Variants in ROBO2 observed in about 807,000 individuals in gnomAD.
ROBO2 encodes the protein roundabout guidance receptor 2, also known as roundabout homolog 2.
Under a neutral mutation model 160.8 loss-of-function variants are expected in ROBO2, and 53 were observed. That is an observed-to-expected ratio of 0.33 (90% confidence interval 0.26 to 0.41). ROBO2 has a LOEUF of 0.41. ROBO2 is among the 10% of genes least tolerant of loss of function. The pLI, the probability that ROBO2 is intolerant of heterozygous loss-of-function variation, is 1.00. For synonymous variants in ROBO2, 664 were observed against 611.7 expected (o/e 1.09, Z -1.26); for missense variants, 1,577 against 1,722.4 (o/e 0.92, Z 1.49).
intron 2 of ROBO2, among the ~76,000 whole-genome samples, chr3:77,244,846 C>G (rs967430851): frequency 6.7e-6 from 1 of 148,192 alleles, no homozygotes; most frequent in Non-Finnish European, 1.5e-5. Flanking sequence ...CCATTGCACT[C>G]CAGCCTGGGT....
intron 2 of ROBO2, among the ~76,000 whole-genome samples, chr3:76,098,245 T>C (rs537386500): frequency 6.6e-6 from 1 of 152,320 alleles, no homozygotes; most frequent in Admixed American, 6.5e-5. Flanking sequence ...GAATTTGAAC[T>C]GAATTTCAAA....
At chr3:76,121,758 G>A (rs981995811) in intron 2 of ROBO2, among the ~76,000 whole-genome samples, 29 of 152,078 alleles carry the variant, frequency 1.9e-4, no homozygotes, top group Non-Finnish European at 1.5e-5. Context: ...TTCGCTCTGT[G>A]ATGAATTATT....
At chr3:77,011,779 A>G (rs2061938263) in intron 2 of ROBO2, among the ~76,000 whole-genome samples, 1 of 152,098 alleles carries the variant, frequency 6.6e-6, no homozygotes, top group Non-Finnish European at 1.5e-5. Context: ...TGCTCTACTC[A>G]AAATATCATT....
intron 2 of ROBO2, among the ~76,000 whole-genome samples, chr3:76,902,427 AG>A (rs1398083171): frequency 7.9e-5 from 12 of 152,204 alleles, no homozygotes; most frequent in Middle Eastern, 6.8e-3. Flanking sequence ...AAGCTATATT[AG>A]GCATTTAATG....
At chr3:77,025,897 C>T (rs2062934442) in intron 2 of ROBO2, among the ~76,000 whole-genome samples, 2 of 152,154 alleles carry the variant, frequency 1.3e-5, no homozygotes, top group African/African-American at 2.4e-5. Context: ...TCAACACTAT[C>T]AACAGGCAGA....
intron 2 of ROBO2, among the ~76,000 whole-genome samples, chr3:77,279,863 A>G (rs1328490694): frequency 2.0e-5 from 3 of 152,180 alleles, no homozygotes; most frequent in Non-Finnish European, 4.4e-5. Flanking sequence ...GTTAGAAATT[A>G]GAGTTTGATG....
intron 2 of ROBO2, among the ~76,000 whole-genome samples, chr3:77,239,513 C>T (rs753419251): frequency 5.9e-5 from 9 of 152,150 alleles, no homozygotes; most frequent in Non-Finnish European, 1.2e-4. Flanking sequence ...GGGACCCCAG[C>T]GCCTTCCCAC....
intron 2 of ROBO2, among the ~76,000 whole-genome samples, chr3:76,124,315 G>C (rs1157839866): frequency 6.6e-6 from 1 of 151,936 alleles, no homozygotes; most frequent in Non-Finnish European, 1.5e-5. Context: ...ATTTACAATG[G>C]ATTATTGAGT....
At chr3:76,861,614 C>A (rs2070786749) in intron 2 of ROBO2, among the ~76,000 whole-genome samples, 1 of 152,228 alleles carries the variant, frequency 6.6e-6, no homozygotes, top group East Asian at 1.9e-4. Flanking sequence ...TTTTATATTT[C>A]TCAAATCTTC....
At chr3:75,959,662 A>C (rs1229542496) in intron 2 of ROBO2, among the ~76,000 whole-genome samples, 1 of 151,746 alleles carries the variant, frequency 6.6e-6, no homozygotes, top group Admixed American at 6.6e-5. Context: ...TTGTGTTTAA[A>C]TATAAAATTA....
chr3:76,582,339 A>C (rs1192313739), intron 2 of ROBO2, among the ~76,000 whole-genome samples: 1 of 152,166 alleles, frequency 6.6e-6, no homozygotes, highest in Non-Finnish European at 1.5e-5. Flanking sequence ...TATCTATGAA[A>C]GGATGTATAT....
intron 2 of ROBO2, among the ~76,000 whole-genome samples, chr3:76,974,187 C>T (rs1193226291): frequency 2.0e-5 from 3 of 151,988 alleles, no homozygotes; most frequent in Non-Finnish European, 4.4e-5. Flanking sequence ...TCTAATAAAC[C>T]GCCTTGATAA....
intron 2 of ROBO2, among the ~76,000 whole-genome samples, chr3:76,310,814 C>T (rs1471073255): frequency 6.6e-6 from 1 of 152,252 alleles, no homozygotes; most frequent in Non-Finnish European, 1.5e-5. Flanking sequence ...ACCCAAGTGG[C>T]GGTGACACCG....
At chr3:77,495,311 C>T (rs1460575641) in intron 5 of ROBO2, among the ~76,000 whole-genome samples, 1 of 152,094 alleles carries the variant, frequency 6.6e-6, no homozygotes, top group African/African-American at 2.4e-5. Flanking sequence ...AAGTTAGTAA[C>T]AGAGAGTTCC....
intron 2 of ROBO2, among the ~76,000 whole-genome samples, chr3:76,892,940 T>A (rs1262516022): frequency 6.6e-6 from 1 of 152,204 alleles, no homozygotes; most frequent in Non-Finnish European, 1.5e-5. Context: ...AATTCCCATC[T>A]GTTCCAACAA....
chr3:77,415,278 G>A (rs2077122389), intron 2 of ROBO2, among the ~76,000 whole-genome samples: 1 of 152,174 alleles, frequency 6.6e-6, no homozygotes, highest in African/African-American at 2.4e-5. Flanking sequence ...AGTTAAGCCT[G>A]GACAGGTAGA....
At chr3:77,021,716 C>A (rs1238258161) in intron 2 of ROBO2, among the ~76,000 whole-genome samples, 1 of 152,150 alleles carries the variant, frequency 6.6e-6, no homozygotes, top group Non-Finnish European at 1.5e-5. Flanking sequence ...ATCATGATGA[C>A]CCTGCCCTAT....
At chr3:76,818,856 A>G (rs76915385) in intron 2 of ROBO2, among the ~76,000 whole-genome samples, 7,216 of 152,056 alleles carry the variant, frequency 0.047, 241 homozygotes, top group Non-Finnish European at 0.064. Context: ...TTTGGTAACT[A>G]TGGCCTTACA....
At position 77,563,156 on chromosome 3, in the gene ROBO2, G is replaced by A; in HGVS notation, c.1520-11G>A. The stretch of plus-strand genomic sequence containing the variant: ...ATCAGGAATGAAGTTTTTTCTGTCT[G>A]TCCTCTATAGAGTCTGGAGCAACAA... On this transcript the variant is annotated splice_polypyrimidine_tract_variant and intron_variant, in intron 10 of 25. Transcript: ENST00000461745. 6.2e-7 allele frequency: 1 copy of A among 1,612,638 alleles called. No homozygotes were observed. Among genetic ancestry groups the A allele is most frequent in the Non-Finnish European group, 8.5e-7 (1 of 1,179,564 alleles).
Sources: gnomAD v4.1 joint callset for allele counts (sites outside exome capture counted in the v4.1 genomes callset) on GRCh38, gnomAD v4.1.1 for gene constraint, MANE v1.5 for transcripts, NCBI Gene and HGNC (gene_info 2026-07-23, HGNC 2026-07-21) for gene names.